Variants in CPNE1 observed in about 807,000 individuals in gnomAD.
The protein encoded by CPNE1 is copine-1.
A neutral mutation model predicts 63.2 loss-of-function variants in CPNE1; 58 were observed. The ratio of observed to expected loss-of-function variants is 0.92; its 90% confidence interval spans 0.74 to 1.14. CPNE1 has a LOEUF of 1.14. CPNE1 is among the 50% of genes most tolerant of loss of function. CPNE1 has a pLI of 0.00. For synonymous variants in CPNE1, 237 were observed against 249.0 expected, an observed-to-expected ratio of 0.95 and a Z score of 0.45; for missense variants, 672 against 661.7, an observed-to-expected ratio of 1.02 and a Z score of -0.17.
In CPNE1 at chr20:35,631,029, G is replaced by A. The variant is rs778616572; in HGVS notation, c.867C>T (p.Gly289=). 3.1e-6 allele frequency: 5 copies of A among 1,613,982 alleles called. No individual in the cohort carries two copies. The highest frequency in any genetic ancestry group is 4.5e-5 in the East Asian group (2 of 44,862). Residue 289 remains glycine (G), a synonymous_variant, in exon 11 of 16, where the codon GGC becomes GGT. Transcript: ENST00000397443. ...CTCCATTGGAGCCAGTGAAGTCCAC[G>A]CCCACCTGGGAGGAGGTGAGGAAGG... ...MGGCQINFTV[G]VDFTGSNGDP...
rs142583527 is a variant in CPNE1, at chr20:35,632,207, G to C, written c.412C>G (p.Arg138Gly). The C allele has an allele frequency of 1.1e-5, 17 of 1,613,886 alleles. No homozygotes were observed. Among genetic ancestry groups the C allele is most frequent in the East Asian group, 2.2e-5 (1 of 44,886 alleles). ...TVSAQELKDN[R>G]VVTMEVEARN... ...GCCTCTACCTCCATGGTTACTACAC[G>C]ATTGTCCTTTAATTCCTGAGCTGAG... The change falls in exon 5 of 16, where the codon CGT becomes GGT. Residue 138 changes from arginine to glycine, a missense_variant. Transcript: ENST00000397443.
chr20:35,650,417 C>A (rs966553717), intron 1 of CPNE1: 2 of 152,544 alleles, frequency 1.3e-5, no homozygotes, highest in African/African-American at 2.4e-5. Flanking sequence ...TCAAACAACC[C>A]ATTTTTCTAA....
chr20:35,632,461 G>T, intron 3 of CPNE1, 56 bp downstream of exon 3: 5 of 1,605,262 alleles, frequency 3.1e-6, no homozygotes, highest in Non-Finnish European at 1.7e-6. Flanking sequence ...CTCCAGGCAG[G>T]CTAGGTTGTC....
chr20:35,663,052 T>C (rs1371797960), intron 1 of CPNE1, among the ~76,000 whole-genome samples: 4 of 152,254 alleles, frequency 2.6e-5, no homozygotes, highest in African/African-American at 9.6e-5. Context: ...CACATCTTCA[T>C]TGTTTTGTAT....
At chr20:35,645,012 A>G (rs1194841835) in intron 1 of CPNE1, among the ~76,000 whole-genome samples, 4 of 152,176 alleles carry the variant, frequency 2.6e-5, no homozygotes, top group Non-Finnish European at 5.9e-5. Context: ...TGAAATCTAC[A>G]TTCTTTTAAT....
chr20:35,654,539 A>G, intron 1 of CPNE1: 3 of 1,614,226 alleles, frequency 1.9e-6, no homozygotes, highest in Non-Finnish European at 2.5e-6. Context: ...GGTGCTCCAG[A>G]GCCATTCATT....
intron 13 of CPNE1, among the ~76,000 whole-genome samples, chr20:35,629,271 T>G (rs2146279207): frequency 6.6e-6 from 1 of 152,342 alleles, no homozygotes; most frequent in East Asian, 1.9e-4. Context: ...AAGTCTGAAC[T>G]TATGTTGAAA....
intron 1 of CPNE1, among the ~76,000 whole-genome samples, chr20:35,646,833 C>A (rs1049461029): frequency 2.0e-5 from 3 of 152,144 alleles, no homozygotes; most frequent in African/African-American, 7.2e-5. Context: ...AAATAGTCAT[C>A]TCCTATCATG....
chr20:35,628,276 C>A (rs2031896768), intron 13 of CPNE1, among the ~76,000 whole-genome samples: 1 of 149,918 alleles, frequency 6.7e-6, no homozygotes, highest in Non-Finnish European at 1.5e-5. Flanking sequence ...CAGAGCAAGA[C>A]TCCATCTCAA....
In CPNE1 at chr20:35,658,697, T is replaced by C. The variant is rs186865963; in HGVS notation, c.-1+6063A>G. Among the ~76,000 whole-genome samples, 820 of 151,582 alleles carry C rather than the reference T, an allele frequency of 5.4e-3. 18 individuals are homozygous for C. The highest frequency in any genetic ancestry group is 0.019 in the African/African-American group (771 of 41,254). On this transcript the variant is annotated intron_variant, in intron 1 of 15. Coordinates refer to ENST00000397443, the MANE Select transcript of CPNE1 (RefSeq NM_152925.3). ...AGTGCTTGAACCCGGGAGGCGGAGG[T>C]TGCAGTGAGCCGAGATGGCACCACT...
intron 1 of CPNE1, among the ~76,000 whole-genome samples, chr20:35,662,864 T>C (rs1323746810): frequency 1.3e-5 from 2 of 152,216 alleles, no homozygotes; most frequent in Non-Finnish European, 2.9e-5. Context: ...TAACAATACG[T>C]TGCAAGTAAC....
At chr20:35,652,511 A>G (rs2146342882) in intron 1 of CPNE1, 2 of 1,599,548 alleles carry the variant, frequency 1.3e-6, no homozygotes, top group East Asian at 2.2e-5. Context: ...CCTATAAAAA[A>G]TGATGTGAAT....
chr20:35,654,348 A>G (rs373796815), intron 1 of CPNE1: 4 of 1,614,136 alleles, frequency 2.5e-6, no homozygotes, highest in Non-Finnish European at 3.4e-6. Context: ...CACGGAGCCC[A>G]TGAAAAAAAT....
chr20:35,645,648 T>C (rs1364941853), intron 1 of CPNE1, among the ~76,000 whole-genome samples: 4 of 152,232 alleles, frequency 2.6e-5, no homozygotes, highest in Non-Finnish European at 5.9e-5. Flanking sequence ...TGACAGGTGC[T>C]TCCAATTCCA....
intron 13 of CPNE1, among the ~76,000 whole-genome samples, chr20:35,628,970 C>T (rs1258540952): frequency 1.3e-5 from 2 of 152,222 alleles, no homozygotes; most frequent in African/African-American, 4.8e-5. Context: ...CTATTCACTA[C>T]AGCATTCTCC....
chr20:35,651,945 A>G (rs2033552433), intron 1 of CPNE1: 1 of 152,582 alleles, frequency 6.6e-6, no homozygotes, highest in Non-Finnish European at 1.5e-5. Context: ...CAATTAGACA[A>G]ACAAAGCAGC....
intron 1 of CPNE1, chr20:35,655,034 T>A: frequency 6.2e-7 from 1 of 1,614,176 alleles, no homozygotes; most frequent in African/African-American, 1.3e-5. Flanking sequence ...GCTGGTGGTA[T>A]ATCTAAGTTG....
intron 1 of CPNE1, among the ~76,000 whole-genome samples, chr20:35,641,272 G>C (rs2032789569): frequency 7.2e-5 from 11 of 152,190 alleles, no homozygotes; most frequent in South Asian, 2.1e-4. Flanking sequence ...ATGAAGACTA[G>C]AACTCAAATA....
At chr20:35,630,535 C>T (rs776539118) in intron 12 of CPNE1, 45 bp from the exon 13 acceptor site, 8 of 1,602,726 alleles carry the variant, frequency 5.0e-6, no homozygotes, top group South Asian at 1.1e-5. Context: ...ATGACCTCTG[C>T]TAAGAATGAA....
Sources: allele counts gnomAD v4.1 joint callset (sites outside exome capture counted in the v4.1 genomes callset), GRCh38; gene constraint gnomAD v4.1.1; transcripts MANE v1.5; gene names NCBI Gene and HGNC (gene_info 2026-07-23, HGNC 2026-07-21).